The following WHR1 variants were observed in gnomAD, a reference collection of about 807,000 sequenced individuals.
The protein encoded by WHR1 is MHC class III HLA-RP1.
chr6:31,971,269 T>C, the WHR1 span: 1 of 1,539,958 alleles, frequency 6.5e-7, no homozygotes, highest in Non-Finnish European at 8.8e-7. The surrounding 1 kb of genome is among the most constrained non-coding windows in gnomAD (Gnocchi z 4.5). Flanking sequence ...CTCCTAATTT[T>C]AGAGGGTAGG....
At chr6:31,976,663 C>T in the WHR1 span, among the ~76,000 whole-genome samples, 2 of 152,228 alleles carry the variant, frequency 1.3e-5, no homozygotes, top group East Asian at 1.9e-4. Flanking sequence ...AGAGGCTGCA[C>T]TCTGGGCACT....
the WHR1 span, chr6:31,971,661 C>G: frequency 6.2e-7 from 1 of 1,606,426 alleles, no homozygotes; most frequent in Non-Finnish European, 8.5e-7. The surrounding 1 kb of genome is among the most constrained non-coding windows in gnomAD (Gnocchi z 4.5). Context: ...CTCTCTTGGT[C>G]CCCCTGGGAT....
chr6:31,973,218 G>A, the WHR1 span: 1 of 353,370 alleles, frequency 2.8e-6, no homozygotes, highest in Non-Finnish European at 5.5e-6. Flanking sequence ...GGGAGGGAGA[G>A]GAGAGTGAGG....
the WHR1 span, chr6:31,979,341 A>T: frequency 6.3e-7 from 1 of 1,584,346 alleles, no homozygotes; most frequent in Non-Finnish European, 8.6e-7. Context: ...AGGAAGAGAA[A>T]TGCTGTCCTG....
At chr6:31,975,015 C>T in the WHR1 span, among the ~76,000 whole-genome samples, 1 of 152,018 alleles carries the variant, frequency 6.6e-6, no homozygotes, top group Non-Finnish European at 1.5e-5. Flanking sequence ...TTAAAAGTTG[C>T]AGAATGAAAA....
At chr6:31,978,869 A>G in the WHR1 span, 1 of 1,604,862 alleles carries the variant, frequency 6.2e-7, no homozygotes, top group Non-Finnish European at 8.5e-7. Context: ...TTACCCTGAT[A>G]CGCCTCTTTT....
chr6:31,980,631 T>G, the WHR1 span: 5,730 of 1,572,488 alleles, frequency 3.6e-3, 56 homozygotes, highest in Middle Eastern at 0.025. Flanking sequence ...CCTTTCCCCT[T>G]TCCTGTGCCA....
chr6:31,976,859 C>G, the WHR1 span, among the ~76,000 whole-genome samples: 4 of 152,358 alleles, frequency 2.6e-5, no homozygotes, highest in Non-Finnish European at 4.4e-5. Context: ...CCGGCCAACA[C>G]AGCGAAACCC....
the WHR1 span, among the ~76,000 whole-genome samples, chr6:31,976,367 C>G: frequency 6.6e-6 from 1 of 150,864 alleles, no homozygotes; most frequent in South Asian, 2.1e-4. Context: ...CCTTCTCAGA[C>G]GGGGAGGCTG....
At chr6:31,976,889 C>T in the WHR1 span, among the ~76,000 whole-genome samples, 7 of 152,354 alleles carry the variant, frequency 4.6e-5, no homozygotes, top group East Asian at 5.8e-4. Flanking sequence ...TAACAAAATA[C>T]GAAAACCAGT....
At chr6:31,977,205 C>T in the WHR1 span, among the ~76,000 whole-genome samples, 1 of 151,932 alleles carries the variant, frequency 6.6e-6, no homozygotes, top group Non-Finnish European at 1.5e-5. Context: ...CAGTGTCTTA[C>T]CCTGTCACCA....
chr6:31,980,928 C>A, the WHR1 span: 47 of 795,544 alleles, frequency 5.9e-5, 1 homozygote, highest in Middle Eastern at 3.8e-4. Context: ...CCGGGAGCAC[C>A]CCTTCCCAAG....
chr6:31,977,847 G>A, the WHR1 span, among the ~76,000 whole-genome samples: 4 of 151,810 alleles, frequency 2.6e-5, no homozygotes, highest in Non-Finnish European at 4.4e-5. Context: ...AGGCTGGAGC[G>A]CAGTGGCATG....
chr6:31,974,279 CAAAAA>C, the WHR1 span, among the ~76,000 whole-genome samples: 2 of 118,588 alleles, frequency 1.7e-5, no homozygotes, highest in Admixed American at 8.3e-5. Context: ...GACTTTGTCT[CAAAAA>C]AAAAAAAAAA....
chr6:31,979,134 G>A, the WHR1 span: 1 of 815,152 alleles, frequency 1.2e-6, no homozygotes. Context: ...ACAGGGCCCT[G>A]GTAAATAGTA....
the WHR1 span, chr6:31,980,123 ACT>A: frequency 3.8e-5 from 13 of 341,898 alleles, no homozygotes; most frequent in South Asian, 6.5e-4. Context: ...AGCGCAGAAG[ACT>A]CTGATTCCTC....
At chr6:31,971,679 G>A in the WHR1 span, 1 of 1,600,080 alleles carries the variant, frequency 6.2e-7, no homozygotes, top group Non-Finnish European at 8.5e-7. The surrounding 1 kb of genome is among the most constrained non-coding windows in gnomAD (Gnocchi z 4.5). Flanking sequence ...GATCCATGAG[G>A]TCCTAAGACA....
At chr6:31,972,149 G>C in the WHR1 span, 1 of 1,612,918 alleles carries the variant, frequency 6.2e-7, no homozygotes, top group Non-Finnish European at 8.5e-7. This position sits in a 1 kb window ranked among gnomAD's most constrained non-coding sequence, Gnocchi z 6.3. Flanking sequence ...GAGTCCCCGG[G>C]CGTGCGTGCC....
the WHR1 span, chr6:31,979,515 A>G: frequency 1.2e-6 from 2 of 1,612,940 alleles, no homozygotes; most frequent in South Asian, 2.2e-5. Flanking sequence ...AGCAGGACCA[A>G]ATGACACAGA....
Sources: allele counts gnomAD v4.1 joint callset (sites outside exome capture counted in the v4.1 genomes callset), GRCh38; gene constraint gnomAD v4.1.1; non-coding constraint Gnocchi (gnomAD v3.1); transcripts MANE v1.5; gene names NCBI Gene and HGNC (gene_info 2026-07-23, HGNC 2026-07-21).